GRID2IP: variants seen among roughly 807,000 people sequenced by gnomAD.
GRID2IP encodes Grid2 interacting protein, also known as delphilin.
GRID2IP carries 78 observed loss-of-function variants against 114.3 expected under a neutral mutation model. The ratio of observed to expected loss-of-function variants is 0.68; its 90% CI spans 0.57 to 0.82. The LOEUF is 0.82. GRID2IP is among the 40% of genes least tolerant of loss of function. The pLI is 0.00. For missense variants in GRID2IP, 1,727 were observed against 1,678.5 expected, an observed-to-expected ratio of 1.03 and a Z score of -0.51; for synonymous variants, 809 against 724.0, an observed-to-expected ratio of 1.12 and a Z score of -1.89.
chr7:6,514,328 C>G, intron 8 of GRID2IP, 47 bp downstream of exon 8: 1 of 1,439,230 alleles, frequency 6.9e-7, no homozygotes, highest in South Asian at 1.4e-5. Context: ...GTGAGCTGGA[C>G]AGTCAGCAGC....
intron 1 of GRID2IP, among the ~76,000 whole-genome samples, chr7:6,542,123 G>A (rs989951382): frequency 1.3e-5 from 2 of 151,912 alleles, no homozygotes; most frequent in African/African-American, 4.8e-5. Context: ...CCAACATGGT[G>A]AAACCCCGTC....
Position 6,532,543 on chromosome 7 carries a change from ACTT to A in GRID2IP, c.585-5777_585-5775del, listed in dbSNP as rs1222354025. Among the ~76,000 whole-genome samples, 1 of 151,960 alleles carries A rather than the reference ACTT, an allele frequency of 6.6e-6. No individual in the cohort carries two copies. Among genetic ancestry groups the A allele is most frequent in the Non-Finnish European group, 1.5e-5 (1 of 67,980 alleles). On this transcript the variant is annotated intron_variant, in intron 2 of 21. Transcript: ENST00000457091. This position sits in a 1 kb window ranked among gnomAD's most constrained non-coding sequence, Gnocchi z 4.4. The stretch of plus-strand genomic sequence containing the variant: ...CTTTGCTGTGACCCCCCGTGGCTGT[ACTT>A]CTTCCTGGAAGCAGCCAGAAACTGG...
intron 1 of GRID2IP, among the ~76,000 whole-genome samples, chr7:6,540,672 G>C (rs1779802835): frequency 7.1e-6 from 1 of 140,056 alleles, no homozygotes; most frequent in Non-Finnish European, 1.5e-5. Context: ...AGGCACCTGT[G>C]ACCACACCTG....
intron 1 of GRID2IP, among the ~76,000 whole-genome samples, chr7:6,546,898 T>C (rs906897000): frequency 6.6e-6 from 1 of 152,118 alleles, no homozygotes; most frequent in Non-Finnish European, 1.5e-5. Context: ...TTTGGCTCCA[T>C]GGCAGGTGAT....
rs553050957 is a variant in GRID2IP, at chr7:6,507,542, C to A, written c.2544+443G>T. Among the ~76,000 whole-genome samples, 4 of 152,286 alleles carry A rather than the reference C, an allele frequency of 2.6e-5. No individual in the cohort carries two copies. The South Asian group carries it at 8.3e-4, about 32-fold the overall frequency. Reference sequence around the variant, plus strand: ...AAGACAAAGGATGGTTAAAATCGTCCAGTGAGGAAAGGAAGACCTTGACAG... The same window carrying A: ...AAGACAAAGGATGGTTAAAATCGTCAAGTGAGGAAAGGAAGACCTTGACAG... On this transcript the variant is annotated intron_variant, in intron 13 of 21. Coordinates refer to ENST00000457091, the MANE Select transcript of GRID2IP (RefSeq NM_001145118.2). The surrounding 1 kb of genome is among the most constrained non-coding windows in gnomAD (Gnocchi z 5.3).
Position 6,503,119 on chromosome 7 carries a change from G to A in GRID2IP, c.2952C>T (p.His984=), listed in dbSNP as rs376614193. 26 of 1,549,874 alleles carry A rather than the reference G, an allele frequency of 1.7e-5. No individual in the cohort carries two copies. Among genetic ancestry groups the A allele is most frequent in the South Asian group, 2.4e-5 (2 of 83,952 alleles). The change falls in exon 17 of 22, where the codon CAC becomes CAT. Residue 984 remains histidine (H), a synonymous_variant. Transcript: ENST00000457091. ...PEYKTRLRSL[H]FQATLQEKTE... is the part of the protein sequence containing the mutation. The stretch of plus-strand genomic sequence containing the variant: ...TCTTCTCCTGGAGGGTGGCCTGGAA[G>A]TGGAGGCTGCGCAGGCGTGTCTTGT...
chr7:6,515,171 C>A (rs949420675), intron 7 of GRID2IP, among the ~76,000 whole-genome samples: 1 of 151,572 alleles, frequency 6.6e-6, no homozygotes, highest in Non-Finnish European at 1.5e-5. Flanking sequence ...GATTAAAACA[C>A]ACAGAGCAGG....
Position 6,502,781 on chromosome 7 carries a change from C to G in GRID2IP, c.3150+5G>C. 1 of 1,550,156 alleles carries G rather than the reference C, an allele frequency of 6.5e-7. No homozygotes were observed. Among genetic ancestry groups the G allele is most frequent in the Non-Finnish European group, 8.7e-7 (1 of 1,145,450 alleles). On this transcript the variant is annotated splice_donor_5th_base_variant and intron_variant, in intron 18 of 21. Coordinates refer to ENST00000457091, the MANE Select transcript of GRID2IP (RefSeq NM_001145118.2). ...CAGTCGATTGCTGCCGGCAGGTCCC[C>G]TCACCTCTGTCAGAAAGTTGATCTT...
chr7:6,522,005 C>G (rs145220997), intron 4 of GRID2IP, 48 bp from the exon 5 acceptor site: 26 of 1,422,598 alleles, frequency 1.8e-5, no homozygotes, highest in Admixed American at 3.9e-5. Context: ...CAGGGTACCA[C>G]TTTGAGAGCA....
At chr7:6,549,256 G>A (rs1337880052) in intron 1 of GRID2IP, among the ~76,000 whole-genome samples, 1 of 152,208 alleles carries the variant, frequency 6.6e-6, no homozygotes, top group East Asian at 1.9e-4. Flanking sequence ...TCAGGCCTGA[G>A]ACCGACTCTA....
At chr7:6,505,778 G>A (rs774035581) in intron 14 of GRID2IP, 42 bp downstream of exon 14, 2 of 1,285,110 alleles carry the variant, frequency 1.6e-6, no homozygotes, top group Middle Eastern at 1.8e-4. Context: ...GCCACAGATG[G>A]TGTGGTATCT....
In GRID2IP at chr7:6,520,885, G is replaced by GCCTTCCCATGCAT; in HGVS notation, c.1085-125_1085-124insATGCATGGGAAGG. ...GGTGTGGCTGTCCAGTGCCATGCAT[G>GCCTTCCCATGCAT]GGAAGGCATGCCTGTGGCCCGACAC... On this transcript the variant is annotated intron_variant, in intron 6 of 21. Transcript: ENST00000457091. The surrounding 1 kb of genome is among the most constrained non-coding windows in gnomAD (Gnocchi z 4.6). The GCCTTCCCATGCAT allele has an allele frequency of 2.2e-6, 2 of 906,278 alleles. No homozygotes were observed. Among genetic ancestry groups the GCCTTCCCATGCAT allele is most frequent in the African/African-American group, 1.7e-5 (1 of 60,342 alleles). The allele number at this position is 906,278 out of a possible 1,614,324, so 56.1% of individuals were successfully genotyped here.
At chr7:6,514,298 G>C (rs1398808928) in intron 8 of GRID2IP, 77 bp downstream of exon 8, 12 of 1,255,672 alleles carry the variant, frequency 9.6e-6, no homozygotes, top group Admixed American at 5.8e-5. Flanking sequence ...TGTGAGAACA[G>C]GTGTCTGTCT....
rs1228867593 is a variant in GRID2IP, at chr7:6,534,420, A to T, written c.584+5298T>A. ...GAAAGCCATTTTCTCACTTCATCAG[A>T]CCGGGGTCCCTTTGGGGAGAGACCC... On this transcript the variant is annotated intron_variant, in intron 2 of 21. Coordinates refer to ENST00000457091, the MANE Select transcript of GRID2IP (RefSeq NM_001145118.2). This position sits in a 1 kb window ranked among gnomAD's most constrained non-coding sequence, Gnocchi z 4.5. Among the ~76,000 whole-genome samples, 1 of 152,108 alleles carries T rather than the reference A, an allele frequency of 6.6e-6. No individual in the cohort carries two copies. Among genetic ancestry groups the T allele is most frequent in the Non-Finnish European group, 1.5e-5 (1 of 68,028 alleles).
chr7:6,502,509 C>G (rs1786445108), intron 18 of GRID2IP, among the ~76,000 whole-genome samples: 1 of 152,174 alleles, frequency 6.6e-6, no homozygotes, highest in South Asian at 2.1e-4. Context: ...GCCACCACAC[C>G]CAGCCCAATC....
chr7:6,522,506 T>C (rs528950514), intron 4 of GRID2IP, among the ~76,000 whole-genome samples: 29 of 152,194 alleles, frequency 1.9e-4, no homozygotes, highest in African/African-American at 7.0e-4. Context: ...TGTATTTTTT[T>C]TTTTTAATTT....
intron 8 of GRID2IP, among the ~76,000 whole-genome samples, chr7:6,513,028 A>G (rs969919281): frequency 6.6e-6 from 1 of 152,062 alleles, no homozygotes. Context: ...TTCCATCCAC[A>G]TGACCTGCAT....
At chr7:6,531,039 G>A (rs902762343) in intron 2 of GRID2IP, 1 of 643,498 alleles carries the variant, frequency 1.6e-6, no homozygotes, top group Non-Finnish European at 2.8e-6. Flanking sequence ...CACGGTTCCC[G>A]GAGGCGCGGG....
chr7:6,515,252 G>A (rs1233681537), intron 7 of GRID2IP, among the ~76,000 whole-genome samples: 4 of 151,994 alleles, frequency 2.6e-5, no homozygotes, highest in South Asian at 2.1e-4. Flanking sequence ...ACCTCAGATC[G>A]GGAGTTCAAG....
Sources: gnomAD v4.1 joint callset for allele counts (sites outside exome capture counted in the v4.1 genomes callset) on GRCh38, gnomAD v4.1.1 for gene constraint, Gnocchi (gnomAD v3.1) non-coding constraint, MANE v1.5 for transcripts, NCBI Gene and HGNC (gene_info 2026-07-23, HGNC 2026-07-21) for gene names.